ABLIM1: variants seen among roughly 807,000 people sequenced by gnomAD.
ABLIM1 encodes actin-binding LIM protein 1.
ABLIM1 carries 40 observed loss-of-function variants against 107.0 expected under a neutral mutation model. That is an observed-to-expected ratio of 0.37 (90% CI 0.29 to 0.49). The LOEUF (loss-of-function observed/expected upper bound fraction) is 0.49. ABLIM1 is among the 20% of genes least tolerant of loss of function. The probability of loss-of-function intolerance (pLI) is 0.97; values close to 1 mark genes in which losing one functional copy is unlikely to be tolerated. For missense variants in ABLIM1, 857 were observed against 1,008.5 expected (o/e 0.85, Z 2.04); for synonymous variants, 357 against 357.3 (o/e 1.00, Z 0.01).
the ABLIM1 span, among the ~76,000 whole-genome samples, chr10:114,796,009 C>A: frequency 1.3e-4 from 20 of 151,854 alleles, no homozygotes; most frequent in Middle Eastern, 6.8e-3. Flanking sequence ...TGGGCATCCA[C>A]TACAAAAGGA....
intron 1 of ABLIM1, among the ~76,000 whole-genome samples, chr10:114,760,179 G>A (rs982406654): frequency 1.3e-5 from 2 of 152,006 alleles, no homozygotes; most frequent in Admixed American, 1.3e-4. Flanking sequence ...CTAGCTGATT[G>A]AATCTCGGTG....
At chr10:114,446,420 G>A (rs1222047153) in intron 15 of ABLIM1, among the ~76,000 whole-genome samples, 4 of 152,150 alleles carry the variant, frequency 2.6e-5, no homozygotes, top group Non-Finnish European at 4.4e-5. Context: ...TTTCTGGAAA[G>A]GGGAGACAGG....
At chr10:114,701,972 C>A (rs1014818653) in intron 1 of ABLIM1, among the ~76,000 whole-genome samples, 10 of 152,014 alleles carry the variant, frequency 6.6e-5, no homozygotes, top group Admixed American at 6.5e-4. Context: ...TGAAGCTGGG[C>A]GATGGGTACT....
At chr10:114,751,910 T>C (rs1448104189) in intron 1 of ABLIM1, among the ~76,000 whole-genome samples, 2 of 152,198 alleles carry the variant, frequency 1.3e-5, no homozygotes, top group African/African-American at 2.4e-5. Context: ...ACTTGGAAAT[T>C]GCATCAACTC....
intron 1 of ABLIM1, among the ~76,000 whole-genome samples, chr10:114,748,083 A>G (rs1376390382): frequency 6.6e-6 from 1 of 152,100 alleles, no homozygotes; most frequent in Non-Finnish European, 1.5e-5. Flanking sequence ...AGCATATAAC[A>G]TCTGAATTAC....
chr10:114,756,516 A>G (rs899950923), intron 1 of ABLIM1, among the ~76,000 whole-genome samples: 1 of 152,026 alleles, frequency 6.6e-6, no homozygotes, highest in Non-Finnish European at 1.5e-5. Flanking sequence ...CATTTTTATA[A>G]TATTGTGTCT....
intron 2 of ABLIM1, 65 bp downstream of exon 2, chr10:114,601,762 G>A (rs777188796): frequency 1.2e-6 from 2 of 1,612,112 alleles, no homozygotes; most frequent in African/African-American, 1.3e-5. Context: ...TAAGGGGATG[G>A]GCTGGACCCA....
upstream of ABLIM1, among the ~76,000 whole-genome samples, chr10:114,770,017 C>G (rs1416590282): frequency 1.3e-5 from 2 of 152,160 alleles, no homozygotes; most frequent in Non-Finnish European, 2.9e-5. Context: ...ACAGGAATAG[C>G]CTGGTTGCCC....
At chr10:114,631,135 T>C (rs973100380) in intron 1 of ABLIM1, among the ~76,000 whole-genome samples, 2 of 152,230 alleles carry the variant, frequency 1.3e-5, no homozygotes, top group African/African-American at 2.4e-5. Context: ...TGTTTATATA[T>C]TACTTGAATC....
At chr10:114,649,606 G>A (rs1174907568) in intron 1 of ABLIM1, among the ~76,000 whole-genome samples, 1 of 151,998 alleles carries the variant, frequency 6.6e-6, no homozygotes, top group Non-Finnish European at 1.5e-5. Context: ...TGCTTTCTGA[G>A]ATTGAGAAAG....
At chr10:114,685,117 T>C (rs1479498585), upstream of ABLIM1, 2 of 152,198 alleles carry the variant, frequency 1.3e-5, no homozygotes, top group African/African-American at 4.8e-5. Flanking sequence ...TCGTCAGTAA[T>C]GCCCTGATGT....
chr10:114,712,234 T>A (rs2141959696), intron 1 of ABLIM1, among the ~76,000 whole-genome samples: 1 of 150,906 alleles, frequency 6.6e-6, no homozygotes, highest in East Asian at 2.0e-4. Flanking sequence ...GCACCTGTAA[T>A]CCTAGCTACT....
At position 114,617,949 on chromosome 10, in the gene ABLIM1, A is replaced by G. The variant is rs895082633; in HGVS notation, c.245-15988T>C. 1.1e-4 allele frequency among the ~76,000 whole-genome samples: 17 copies of G among 152,300 alleles called. No homozygotes were observed. The South Asian group carries it at 3.5e-3, about 32-fold the overall frequency. Reference sequence around the variant, plus strand: ...GGCGACATAGCAAGACCCTGTCTCTATAAGAAAGAAAAAGTTTAAAAAACC... The same window carrying G: ...GGCGACATAGCAAGACCCTGTCTCTGTAAGAAAGAAAAAGTTTAAAAAACC... On this transcript the variant is annotated intron_variant, in intron 1 of 22. Coordinates refer to ENST00000533213, the MANE Select transcript of ABLIM1 (RefSeq NM_002313.7).
intron 2 of ABLIM1, among the ~76,000 whole-genome samples, chr10:114,592,763 T>C (rs1216505458): frequency 1.3e-5 from 2 of 152,042 alleles, no homozygotes; most frequent in African/African-American, 4.8e-5. Context: ...TTGTGGCACA[T>C]GAGAGAAAAA....
At chr10:114,486,295 T>C (rs1170992490) in intron 8 of ABLIM1, among the ~76,000 whole-genome samples, 1 of 152,098 alleles carries the variant, frequency 6.6e-6, no homozygotes, top group Non-Finnish European at 1.5e-5. Flanking sequence ...TCATTAGCAT[T>C]CCTCTCTTCA....
chr10:114,762,542 G>A (rs2082772184), intron 1 of ABLIM1, among the ~76,000 whole-genome samples: 1 of 152,120 alleles, frequency 6.6e-6, no homozygotes, highest in Non-Finnish European at 1.5e-5. Context: ...TCCTTTATTG[G>A]ATTTTTCTCT....
At chr10:114,522,173 A>G (rs2063841743) in intron 6 of ABLIM1, among the ~76,000 whole-genome samples, 1 of 152,218 alleles carries the variant, frequency 6.6e-6, no homozygotes, top group Non-Finnish European at 1.5e-5. Context: ...GGGCTGCATA[A>G]GCCAGGAGAA....
At chr10:114,679,467 T>G (rs916289926) in intron 1 of ABLIM1, among the ~76,000 whole-genome samples, 4 of 151,816 alleles carry the variant, frequency 2.6e-5, no homozygotes, top group Non-Finnish European at 5.9e-5. Flanking sequence ...AAACCTTGTC[T>G]CTACTAAAAA....
intron 2 of ABLIM1, among the ~76,000 whole-genome samples, chr10:114,584,887 C>A (rs1214013887): frequency 2.0e-5 from 3 of 152,122 alleles, no homozygotes; most frequent in African/African-American, 4.8e-5. Flanking sequence ...TTAATAAAAT[C>A]TTTGACTGCA....
Sources: allele counts gnomAD v4.1 joint callset (sites outside exome capture counted in the v4.1 genomes callset), GRCh38; gene constraint gnomAD v4.1.1; transcripts MANE v1.5; gene names NCBI Gene and HGNC (gene_info 2026-07-23, HGNC 2026-07-21).